The following NBPF3 variants were observed in gnomAD, a reference collection of about 807,000 sequenced individuals.
NBPF3 encodes the protein NBPF member 3.
In NBPF3, 57 loss-of-function variants were observed where a neutral mutation model predicts 78.1. The ratio of observed to expected loss-of-function variants is 0.73; its 90% CI spans 0.59 to 0.91. NBPF3 has a LOEUF of 0.91. Among genes scored for constraint, NBPF3 ranks in the 40% least tolerant of loss-of-function variants. The pLI is 0.00. For missense variants in NBPF3, 510 were observed against 715.3 expected, an observed-to-expected ratio of 0.71 and a Z score of 3.27; for synonymous variants, 182 against 271.7, an observed-to-expected ratio of 0.67 and a Z score of 3.25.
At chr1:21,437,426 G>A, upstream of NBPF3, 1 of 1,275,622 alleles carries the variant, frequency 7.8e-7, no homozygotes, top group Non-Finnish European at 1.1e-6. Context: ...AGGCCTAGAG[G>A]AACAGATGTA....
At chr1:21,469,703 C>T (rs1012468899) in intron 3 of NBPF3, among the ~76,000 whole-genome samples, 6 of 152,066 alleles carry the variant, frequency 3.9e-5, no homozygotes, top group East Asian at 3.9e-4. Flanking sequence ...CCAGCCTGGG[C>T]GATAGGGCAA....
chr1:21,443,166 A>G (rs1640760455), intron 1 of NBPF3, among the ~76,000 whole-genome samples: 2 of 152,244 alleles, frequency 1.3e-5, no homozygotes, highest in Non-Finnish European at 2.9e-5. Flanking sequence ...TCTACAAAAG[A>G]TAAAAATAAT....
Position 21,471,735 on chromosome 1 carries a change from G to T in NBPF3, c.613G>T (p.Ala205Ser), listed in dbSNP as rs776816457. The change falls in exon 5 of 15, where the codon GCT becomes TCT. Residue 205 changes from alanine (A) to serine (S), a missense_variant. By Grantham distance (99) the Ala-to-Ser change is moderately conservative (BLOSUM62 1). Coordinates refer to ENST00000318249, the MANE Select transcript of NBPF3 (RefSeq NM_032264.6). ...GGGACGGGACCTCCGAGAACAGCTG[G>T]CTGAGGGATGTAGGCTGGCACAGCA... ...SQGRDLREQL[A>S]EGCRLAQHLV... 3.1e-6 allele frequency: 5 copies of T among 1,613,432 alleles called. No homozygotes were observed. The highest frequency in any genetic ancestry group is 4.2e-6 in the Non-Finnish European group (5 of 1,179,866).
intron 2 of NBPF3, among the ~76,000 whole-genome samples, chr1:21,462,367 CAATTAT>C (rs1409658813): frequency 6.6e-6 from 1 of 152,142 alleles, no homozygotes; most frequent in Non-Finnish European, 1.5e-5. Flanking sequence ...TGTTACTTTA[CAATTAT>C]AATTATATTA....
intron 3 of NBPF3, among the ~76,000 whole-genome samples, chr1:21,469,103 G>A (rs753061075): frequency 6.6e-6 from 1 of 152,134 alleles, no homozygotes; most frequent in Admixed American, 6.5e-5. Flanking sequence ...GTCAGGTGGG[G>A]GTGGGCCTAG....
chr1:21,444,497 A>G (rs1458741119), intron 1 of NBPF3, among the ~76,000 whole-genome samples: 4 of 152,214 alleles, frequency 2.6e-5, no homozygotes, highest in Admixed American at 1.3e-4. Flanking sequence ...ATTCTTGTTC[A>G]CTAAGATCTG....
At chr1:21,455,531 G>A (rs1223533699) in intron 2 of NBPF3, among the ~76,000 whole-genome samples, 1 of 152,244 alleles carries the variant, frequency 6.6e-6, no homozygotes, top group East Asian at 1.9e-4. Flanking sequence ...ACGACAGGCA[G>A]TACAACAGAA....
intron 2 of NBPF3, among the ~76,000 whole-genome samples, chr1:21,467,992 A>T (rs1642371896): frequency 6.6e-6 from 1 of 152,246 alleles, no homozygotes; most frequent in South Asian, 2.1e-4. Flanking sequence ...AACATTTTTT[A>T]CAAATGAGTT....
chr1:21,465,825 A>G (rs1179261513), intron 2 of NBPF3, among the ~76,000 whole-genome samples: 41 of 152,256 alleles, frequency 2.7e-4, no homozygotes, highest in Non-Finnish European at 1.5e-5. Context: ...TGGGTGAGTA[A>G]GGAAGTCTTA....
rs1228138901 is a variant in NBPF3, at chr1:21,470,672, G to A, written c.384G>A (p.Arg128=). The A allele has an allele frequency of 6.2e-7, 1 of 1,601,240 alleles. No homozygotes were observed. The highest frequency in any genetic ancestry group is 1.7e-5 in the Admixed American group (1 of 59,502). The change falls in exon 4 of 15, where the codon AGG becomes AGA. Residue 128 remains arginine (R), a synonymous_variant. Transcript: ENST00000318249. ...AAGACCTCATAAAATCTATGCTGAG[G>A]GATGAGCGGCTGCTCACAGAAGAGA... ...DCKDLIKSML[R]DERLLTEEKL... is the part of the protein sequence containing the mutation.
Position 21,460,683 on chromosome 1 carries a change from G to A in NBPF3, c.134-8005G>A, listed in dbSNP as rs908333529. The stretch of plus-strand genomic sequence containing the variant: ...TAAAGGAAAAATAGGAACTAATTTC[G>A]TGGACTTGACACAGGAAAATGTTTC... On this transcript the variant is annotated intron_variant, in intron 2 of 14. Transcript: ENST00000318249. This position sits in a 1 kb window ranked among gnomAD's most constrained non-coding sequence, Gnocchi z 4.2. Among the ~76,000 whole-genome samples the A allele has an allele frequency of 6.6e-6, 1 of 152,152 alleles. No homozygotes were observed. The highest frequency in any genetic ancestry group is 2.4e-5 in the African/African-American group (1 of 41,440).
intron 8 of NBPF3, 122 bp from the exon 9 acceptor site, chr1:21,478,022 A>G: frequency 6.2e-7 from 1 of 1,600,356 alleles, no homozygotes; most frequent in Non-Finnish European, 8.5e-7. Context: ...CTCTTGAAGG[A>G]AAAATGCCTT....
chr1:21,469,319 T>G (rs1001086985), intron 3 of NBPF3, among the ~76,000 whole-genome samples: 3 of 152,200 alleles, frequency 2.0e-5, no homozygotes, highest in Non-Finnish European at 4.4e-5. Flanking sequence ...CAAAGCTCTG[T>G]TCTGGGGACC....
At chr1:21,439,039 C>A (rs114203436), upstream of NBPF3, among the ~76,000 whole-genome samples, 30 of 152,282 alleles carry the variant, frequency 2.0e-4, no homozygotes, top group African/African-American at 7.0e-4. Flanking sequence ...GATTGAACTT[C>A]TGTGTGAGCT....
chr1:21,475,687 C>G (rs1291475115), intron 8 of NBPF3, among the ~76,000 whole-genome samples: 2 of 151,904 alleles, frequency 1.3e-5, no homozygotes, highest in Non-Finnish European at 2.9e-5. Flanking sequence ...AGTGCTTTAC[C>G]TCCAACTATG....
intron 2 of NBPF3, among the ~76,000 whole-genome samples, chr1:21,462,268 ATTC>A (rs1209870647): frequency 9.8e-5 from 15 of 152,330 alleles, no homozygotes; most frequent in East Asian, 3.9e-4. Flanking sequence ...TTCAGAATAT[ATTC>A]TTCATTTGGG....
At chr1:21,441,400 G>C (rs1014725058) in intron 1 of NBPF3, among the ~76,000 whole-genome samples, 4 of 152,238 alleles carry the variant, frequency 2.6e-5, no homozygotes, top group Middle Eastern at 3.4e-3. Flanking sequence ...TACAGAAGAA[G>C]TTCACAATTT....
intron 1 of NBPF3, among the ~76,000 whole-genome samples, chr1:21,441,841 T>C (rs1640673221): frequency 6.6e-6 from 1 of 152,196 alleles, no homozygotes; most frequent in African/African-American, 2.4e-5. Flanking sequence ...GATAAAACTT[T>C]AGTATTACAT....
chr1:21,444,295 G>A (rs1363653532), intron 1 of NBPF3, among the ~76,000 whole-genome samples: 4 of 152,174 alleles, frequency 2.6e-5, no homozygotes, highest in Admixed American at 6.5e-5. Flanking sequence ...ATAAACCTTC[G>A]TATGTGTAGC....
Sources: gnomAD v4.1 joint callset for allele counts (sites outside exome capture counted in the v4.1 genomes callset) on GRCh38, gnomAD v4.1.1 for gene constraint, Gnocchi (gnomAD v3.1) non-coding constraint, MANE v1.5 for transcripts, NCBI Gene and HGNC (gene_info 2026-07-23, HGNC 2026-07-21) for gene names.